TDRP: variants seen among roughly 807,000 people sequenced by gnomAD.
TDRP encodes the protein testis development-related protein.
Under a neutral mutation model 10.5 loss-of-function variants are expected in TDRP, and 12 were observed. That is an observed-to-expected ratio of 1.15 (90% CI 0.73 to 1.86). TDRP has a LOEUF of 1.86. Among genes scored for constraint, TDRP ranks in the 40% most tolerant of loss-of-function variants. TDRP has a pLI of 0.00. For missense variants in TDRP, 353 were observed against 229.2 expected, an observed-to-expected ratio of 1.54 and a Z score of -3.49; for synonymous variants, 139 against 95.4, an observed-to-expected ratio of 1.46 and a Z score of -2.67.
chr8:509,447 A>C (rs1223185862), intron 1 of TDRP, among the ~76,000 whole-genome samples: 1 of 152,216 alleles, frequency 6.6e-6, no homozygotes, highest in Non-Finnish European at 1.5e-5. Flanking sequence ...ACTTCGGTGC[A>C]GTCGTAGGAC....
At chr8:498,027 C>T (rs889245203) in intron 1 of TDRP, among the ~76,000 whole-genome samples, 1 of 152,146 alleles carries the variant, frequency 6.6e-6, no homozygotes, top group Admixed American at 6.5e-5. Flanking sequence ...GACATCCAAG[C>T]AGAAATCTGC....
At chr8:541,003 A>G (rs1055181350) in intron 1 of TDRP, among the ~76,000 whole-genome samples, 1 of 152,224 alleles carries the variant, frequency 6.6e-6, no homozygotes, top group Non-Finnish European at 1.5e-5. Context: ...AACTTCTAAC[A>G]TGACAGTGAA....
At position 492,532 on chromosome 8, in the gene TDRP, C is replaced by T; in HGVS notation, c.425G>A (p.Gly142Asp). 6.2e-7 allele frequency: 1 copy of T among 1,611,170 alleles called. No individual in the cohort carries two copies. Among genetic ancestry groups the T allele is most frequent in the Non-Finnish European group, 8.5e-7 (1 of 1,178,460 alleles). The change falls in exon 3 of 3, where the codon GGC becomes GAC. Residue 142 changes from glycine (G) to aspartate (D), a missense_variant. By Grantham distance (94) the Gly-to-Asp change is moderately conservative. Coordinates refer to ENST00000324079, the MANE Select transcript of TDRP (RefSeq NM_001384899.1). ...GGCCAGGCTGGTGTACTTGGTCGAG[C>T]CCTTGGCGTCATCCTCCCAGCCTGA... The part of the protein sequence containing the change: ...SWSGWEDDAK[G>D]STKYTSLASS...
intron 1 of TDRP, among the ~76,000 whole-genome samples, chr8:527,859 A>G (rs189192687): frequency 6.6e-6 from 1 of 152,274 alleles, no homozygotes; most frequent in East Asian, 1.9e-4. Context: ...CTAAGCAAAG[A>G]TTTCTTAATA....
intron 1 of TDRP, among the ~76,000 whole-genome samples, chr8:517,635 A>G (rs568697066): frequency 1.6e-4 from 25 of 152,274 alleles, no homozygotes; most frequent in African/African-American, 6.0e-4. Flanking sequence ...GGCCAAACCA[A>G]TATATACCTT....
upstream of TDRP, chr8:544,849 C>T (rs938162738): frequency 1.6e-5 from 16 of 973,792 alleles, no homozygotes; most frequent in African/African-American, 1.9e-4. Flanking sequence ...GCGGCTCCTG[C>T]GGGACGCGGG....
intron 1 of TDRP, among the ~76,000 whole-genome samples, chr8:503,348 C>G (rs575311364): frequency 1.3e-5 from 2 of 150,136 alleles, no homozygotes; most frequent in African/African-American, 4.9e-5. Flanking sequence ...CACCTCAGCA[C>G]GTGTCAACAT....
chr8:522,904 G>C (rs998246376), intron 1 of TDRP, among the ~76,000 whole-genome samples: 3 of 152,112 alleles, frequency 2.0e-5, no homozygotes, highest in South Asian at 4.1e-4. Context: ...TTCAGCTTAC[G>C]TGTATCCTTA....
chr8:535,449 G>A (rs1480246947), intron 1 of TDRP, among the ~76,000 whole-genome samples: 2 of 152,066 alleles, frequency 1.3e-5, no homozygotes, highest in African/African-American at 4.8e-5. Flanking sequence ...AACATAAAAC[G>A]ACCTCCCTGC....
chr8:534,607 G>A (rs1191604490), intron 1 of TDRP, among the ~76,000 whole-genome samples: 4 of 152,124 alleles, frequency 2.6e-5, no homozygotes, highest in East Asian at 1.9e-4. Flanking sequence ...GAAATCATAC[G>A]CAAGCACAAA....
chr8:537,133 C>G (rs2116871855), intron 1 of TDRP, among the ~76,000 whole-genome samples: 1 of 152,362 alleles, frequency 6.6e-6, no homozygotes, highest in Admixed American at 6.5e-5. Flanking sequence ...AAACCCCACA[C>G]CAGGTACACT....
intron 1 of TDRP, among the ~76,000 whole-genome samples, chr8:512,270 C>CA (rs768810423): frequency 0.03 from 3,678 of 124,424 alleles, 68 homozygotes; most frequent in Non-Finnish European, 0.051. Context: ...ACAACAACAA[C>CA]AACAAAAAAA....
chr8:538,627 T>A (rs1299220427), intron 1 of TDRP, among the ~76,000 whole-genome samples: 4 of 151,040 alleles, frequency 2.6e-5, no homozygotes, highest in Non-Finnish European at 4.4e-5. Flanking sequence ...AGAAACCAAG[T>A]CCAAATCTAA....
At chr8:494,362 A>G in intron 2 of TDRP, 132 bp downstream of exon 2, 1 of 750,564 alleles carries the variant, frequency 1.3e-6, no homozygotes, top group Non-Finnish European at 2.2e-6. Context: ...GTGGGGAGGG[A>G]AACATGGACT....
In TDRP at chr8:490,137, T is replaced by C. The variant is rs905233606; in HGVS notation, c.*2262A>G. ...CAGAATCAAAACCACATTCTCCCAT[T>C]AACTTGTGAAGATAATAAATTTGCT... On this transcript the variant is annotated 3_prime_UTR_variant, in exon 3 of 3. Coordinates refer to ENST00000324079, the MANE Select transcript of TDRP (RefSeq NM_001384899.1). 3.9e-5 allele frequency: 6 copies of C among 152,334 alleles called. No individual in the cohort carries two copies. Among genetic ancestry groups the C allele is most frequent in the Admixed American group, 6.5e-5 (1 of 15,298 alleles). The allele number at this position is 152,334 out of a possible 1,614,324, so 9.4% of individuals were successfully genotyped here.
chr8:543,696 ATC>A (rs1242989636), intron 1 of TDRP, among the ~76,000 whole-genome samples: 1 of 152,098 alleles, frequency 6.6e-6, no homozygotes, highest in Non-Finnish European at 1.5e-5. Flanking sequence ...TTCATAGAAA[ATC>A]TCTATCAAGA....
chr8:512,912 C>T (rs1367270002), intron 1 of TDRP, among the ~76,000 whole-genome samples: 5 of 151,212 alleles, frequency 3.3e-5, no homozygotes, highest in Non-Finnish European at 5.9e-5. Flanking sequence ...GTGGAGGTTG[C>T]AGTGAGCCAA....
In TDRP at chr8:513,889, C is replaced by A. The variant is rs1470652155; in HGVS notation, c.109-19292G>T. On this transcript the variant is annotated intron_variant, in intron 1 of 2. Transcript: ENST00000324079. ...CAAAAGTGAAATTAAGAAAGCAATT[C>A]CAGTTACAATTACATCAAAATAATA... 4.6e-5 allele frequency among the ~76,000 whole-genome samples: 7 copies of A among 152,290 alleles called. No homozygotes were observed. The East Asian group carries it at 1.2e-3, about 25-fold the overall frequency.
intron 1 of TDRP, among the ~76,000 whole-genome samples, chr8:518,694 G>T (rs534365403): frequency 1.3e-5 from 2 of 151,210 alleles, no homozygotes; most frequent in East Asian, 3.9e-4. Flanking sequence ...TGATCTCAGG[G>T]AAAGAAATTC....
Sources: allele counts gnomAD v4.1 joint callset (sites outside exome capture counted in the v4.1 genomes callset), GRCh38; gene constraint gnomAD v4.1.1; transcripts MANE v1.5; gene names NCBI Gene and HGNC (gene_info 2026-07-23, HGNC 2026-07-21).